ABCC4: variants seen among roughly 807,000 people sequenced by gnomAD.
ABCC4 encodes the protein ATP-binding cassette sub-family C member 4.
Under a neutral mutation model 168.5 loss-of-function variants are expected in ABCC4, and 102 were observed. The observed-to-expected ratio is 0.61, with a 90% CI of 0.52 to 0.71. The LOEUF is 0.71. Ranked by LOEUF, ABCC4 falls within the 30% of genes least tolerant of loss-of-function variation. The pLI is 0.00. For synonymous variants in ABCC4, 617 were observed against 590.7 expected, an observed-to-expected ratio of 1.04 and a Z score of -0.65; for missense variants, 1,402 against 1,605.8, an observed-to-expected ratio of 0.87 and a Z score of 2.17.
intron 1 of ABCC4, among the ~76,000 whole-genome samples, chr13:95,297,874 AC>A (rs1303640777): frequency 2.0e-5 from 3 of 152,168 alleles, no homozygotes; most frequent in Non-Finnish European, 2.9e-5. Context: ...GGGGGTGGGA[AC>A]TACGAGGTGA....
At position 95,077,035 on chromosome 13, in the gene ABCC4, A is replaced by C. The variant is rs1678346; in HGVS notation, c.2687-1484T>G. Among the ~76,000 whole-genome samples the C allele has an allele frequency of 2.5e-3, 385 of 152,204 alleles. 2 individuals carry two copies. Among genetic ancestry groups the C allele is most frequent in the African/African-American group, 9.0e-3 (373 of 41,538 alleles). ...CATTTCCAGCAGGCCACTGTGTTTC[A>C]AGCACACCATTTGATGACTACCAGG... On this transcript the variant is annotated intron_variant, in intron 21 of 30. Transcript: ENST00000645237.
intron 1 of ABCC4, among the ~76,000 whole-genome samples, chr13:95,294,808 G>T (rs2138962332): frequency 6.6e-6 from 1 of 152,162 alleles, no homozygotes; most frequent in South Asian, 2.1e-4. Flanking sequence ...CAAAAAATTA[G>T]CTGAGCATGG....
Position 95,081,073 on chromosome 13 carries a change from T to C in ABCC4, c.2686+2067A>G, listed in dbSNP as rs1329974296. ...CCCCGTGGTTGGTGATCTGAGCGCATGGAGAAAGAATCCTGCATATTTAAC... is the reference window on the plus strand; with the variant it reads ...CCCCGTGGTTGGTGATCTGAGCGCACGGAGAAAGAATCCTGCATATTTAAC... On this transcript the variant is annotated intron_variant, in intron 21 of 30. Transcript: ENST00000645237. Among the ~76,000 whole-genome samples, 12 of 147,752 alleles carry C rather than the reference T, an allele frequency of 8.1e-5. No individual in the cohort carries two copies. The East Asian group carries it at 1.7e-3, about 21-fold the overall frequency.
Position 95,021,382 on chromosome 13 carries a change from G to T in ABCC4, c.*193C>A. On this transcript the variant is annotated 3_prime_UTR_variant, in exon 31 of 31. Coordinates refer to ENST00000645237, the MANE Select transcript of ABCC4 (RefSeq NM_005845.5). Reference sequence around the variant, plus strand: ...ATTTGGATTTTAAAAAACAACTATTGACATTTAAATAAAAATAAACCATTT... The same window carrying T: ...ATTTGGATTTTAAAAAACAACTATTTACATTTAAATAAAAATAAACCATTT... 1.9e-6 allele frequency: 1 copy of T among 521,274 alleles called. No individual in the cohort carries two copies. Among genetic ancestry groups the T allele is most frequent in the Non-Finnish European group, 3.4e-6 (1 of 296,112 alleles). The allele number at this position is 521,274 out of a possible 1,614,324, so 32.3% of individuals were successfully genotyped here.
chr13:95,154,186 G>C (rs542762647), intron 19 of ABCC4, among the ~76,000 whole-genome samples: 1 of 152,188 alleles, frequency 6.6e-6, no homozygotes, highest in South Asian at 2.1e-4. Context: ...AAAATGAAAG[G>C]GGAAATGTGT....
At chr13:95,084,353 G>A (rs1239591162) in intron 20 of ABCC4, among the ~76,000 whole-genome samples, 2 of 152,082 alleles carry the variant, frequency 1.3e-5, no homozygotes, top group South Asian at 2.1e-4. Flanking sequence ...CCCAGCATAC[G>A]GCTAGCTTTT....
intron 22 of ABCC4, chr13:95,075,217 G>C (rs2033855693): frequency 3.5e-6 from 2 of 575,982 alleles, no homozygotes; most frequent in South Asian, 2.2e-5. Context: ...CCACAAGCCA[G>C]TCAGGGGGCA....
chr13:95,225,877 G>T (rs1339088718), intron 4 of ABCC4, among the ~76,000 whole-genome samples: 2 of 148,090 alleles, frequency 1.4e-5, no homozygotes, highest in Non-Finnish European at 3.0e-5. Flanking sequence ...GCTCATGCCT[G>T]TAATCCCAAC....
At chr13:95,132,275 G>A (rs1001559280) in intron 19 of ABCC4, among the ~76,000 whole-genome samples, 1 of 152,134 alleles carries the variant, frequency 6.6e-6, no homozygotes, top group Non-Finnish European at 1.5e-5. Flanking sequence ...GAGTGTAGTG[G>A]CGTGATCTCG....
Position 95,159,093 on chromosome 13 carries a change from TTATATATATATATATATATATA to T in ABCC4, c.2455+2074_2455+2095del, listed in dbSNP as rs554884258. Among the ~76,000 whole-genome samples the T allele has an allele frequency of 8.7e-3, 534 of 61,032 alleles. 12 individuals are homozygous for T. The highest frequency in any genetic ancestry group is 0.011 in the Non-Finnish European group (309 of 28,520). 40.0% of individuals were successfully genotyped at this position (61,032 alleles called of 152,430 possible). A position where few individuals can be genotyped will look rare whatever the true frequency, so the allele number is the denominator to read the frequency against. On this transcript the variant is annotated intron_variant, in intron 19 of 30. Transcript: ENST00000645237. ...ATGAGACCTTATTTCTAAATAAATT[TTATATATATATATATATATATA>T]TATATATATATATATATAACTATTG...
Position 95,148,591 on chromosome 13 carries a change from AACACACAC to A in ABCC4, c.2455+12590_2455+12597del, listed in dbSNP as rs55998383. ...TCTCTCCCTCTCCCCTACCCATCAC[AACACACAC>A]ACACACACACACACACACACACACA... On this transcript the variant is annotated intron_variant, in intron 19 of 30. Transcript: ENST00000645237. Among the ~76,000 whole-genome samples, 1,253 of 129,774 alleles carry A rather than the reference AACACACAC, an allele frequency of 9.7e-3. 15 individuals are homozygous for A. The highest frequency in any genetic ancestry group is 0.029 in the African/African-American group (1,023 of 35,204). The allele number at this position is 129,774 out of a possible 152,430, so 85.1% of individuals were successfully genotyped here.
chr13:95,145,031 G>A (rs2036445808), intron 19 of ABCC4, among the ~76,000 whole-genome samples: 1 of 151,930 alleles, frequency 6.6e-6, no homozygotes, highest in African/African-American at 2.4e-5. Flanking sequence ...CAGTCACCAA[G>A]CATATGAAAA....
At chr13:95,054,323 A>G (rs1428742210) in intron 26 of ABCC4, among the ~76,000 whole-genome samples, 2 of 152,122 alleles carry the variant, frequency 1.3e-5, no homozygotes, top group Non-Finnish European at 2.9e-5. Context: ...CACTCTTGGA[A>G]TATCAGCCTC....
chr13:95,077,099 A>T (rs1031262642), intron 21 of ABCC4, among the ~76,000 whole-genome samples: 1 of 152,184 alleles, frequency 6.6e-6, no homozygotes, highest in African/African-American at 2.4e-5. Flanking sequence ...CATGAGGGCT[A>T]GCTACTTTTG....
At chr13:95,226,102 TAGAATTGCCCTGTTGG>T (rs1217294818) in intron 4 of ABCC4, among the ~76,000 whole-genome samples, 2 of 151,266 alleles carry the variant, frequency 1.3e-5, no homozygotes, top group Admixed American at 6.6e-5. Flanking sequence ...GTCAGGTGGA[TAGAATTGCCCTGTTGG>T]AGAATTACTT....
chr13:95,221,604 G>T (rs1429194118), intron 4 of ABCC4, among the ~76,000 whole-genome samples: 1 of 151,332 alleles, frequency 6.6e-6, no homozygotes, highest in African/African-American at 2.4e-5. Flanking sequence ...ATGTTTGAAG[G>T]CCTGACAGTA....
chr13:95,046,160 G>C (rs1372881324), intron 27 of ABCC4, among the ~76,000 whole-genome samples: 1 of 152,128 alleles, frequency 6.6e-6, no homozygotes, highest in Middle Eastern at 3.2e-3. Context: ...CCATGTGATG[G>C]AACTGATCAA....
intron 29 of ABCC4, among the ~76,000 whole-genome samples, chr13:95,040,419 A>C (rs1368020945): frequency 6.6e-6 from 1 of 152,092 alleles, no homozygotes; most frequent in Non-Finnish European, 1.5e-5. Context: ...TTTTTAGTAG[A>C]GACAGGGTTT....
At chr13:95,041,347 T>C (rs903462599) in intron 29 of ABCC4, among the ~76,000 whole-genome samples, 4 of 152,248 alleles carry the variant, frequency 2.6e-5, no homozygotes, top group African/African-American at 9.6e-5. Context: ...AAGCTATTAA[T>C]TAGGTCGCAG....
Sources: allele counts gnomAD v4.1 joint callset (sites outside exome capture counted in the v4.1 genomes callset), GRCh38; gene constraint gnomAD v4.1.1; transcripts MANE v1.5; gene names NCBI Gene and HGNC (gene_info 2026-07-23, HGNC 2026-07-21).